Variants in KHDRBS1 observed in about 807,000 individuals in gnomAD.
KHDRBS1 encodes KH RNA binding domain containing, signal transduction associated 1, also known as KH domain-containing, RNA-binding, signal transduction-associated protein 1.
KHDRBS1 carries 7 observed loss-of-function variants against 48.4 expected under a neutral mutation model. The ratio of observed to expected loss-of-function variants is 0.14; its 90% CI spans 0.08 to 0.27. KHDRBS1 has a LOEUF of 0.27. KHDRBS1 is among the 10% of genes least tolerant of loss of function. KHDRBS1 has a pLI of 1.00. For missense variants in KHDRBS1, 458 were observed against 601.2 expected (o/e 0.76, Z 2.49); for synonymous variants, 241 against 235.8 (o/e 1.02, Z -0.20).
chr1:32,025,292 C>CTTTTTTT (rs576339772), intron 1 of KHDRBS1, among the ~76,000 whole-genome samples: 4 of 92,094 alleles, frequency 4.3e-5, no homozygotes, highest in African/African-American at 1.1e-4. Context: ...TCGGCTCCTC[C>CTTTTTTT]TTTTTTTTTT....
intron 1 of KHDRBS1, among the ~76,000 whole-genome samples, chr1:32,017,428 T>C (rs2124354076): frequency 6.6e-6 from 1 of 152,146 alleles, no homozygotes; most frequent in South Asian, 2.1e-4. Context: ...ATTGTGTTAA[T>C]ATATTTATAT....
chr1:32,060,346 G>T (rs1375503269), exon 11 of KHDRBS1: 1 of 152,140 alleles, frequency 6.6e-6, no homozygotes, highest in Non-Finnish European at 1.5e-5. Context: ...GCCCAGAATG[G>T]AGTCCTCAGG....
At chr1:32,048,571 C>G (rs1292997981), downstream of KHDRBS1, among the ~76,000 whole-genome samples, 1 of 152,116 alleles carries the variant, frequency 6.6e-6, no homozygotes, top group African/African-American at 2.4e-5. Context: ...CAGTTTGCAG[C>G]CTGTGGTTAG....
In KHDRBS1 at chr1:32,033,261, T is replaced by C; in HGVS notation, c.698T>C (p.Val233Ala). Residue 233 changes from valine (V) to alanine (A), a missense_variant, in exon 4 of 9, where the codon GTC becomes GCC. Coordinates refer to ENST00000327300, the MANE Select transcript of KHDRBS1 (RefSeq NM_006559.3). ...ATGGATCTGCATGTCTTCATTGAAG[T>C]CTTTGGACCCCCATGTGAGGCTTAT... ...LNMDLHVFIE[V>A]FGPPCEAYAL... is the part of the protein sequence containing the mutation. The C allele has an allele frequency of 6.2e-7, 1 of 1,614,192 alleles. No homozygotes were observed. Among genetic ancestry groups the C allele is most frequent in the South Asian group, 1.1e-5 (1 of 91,088 alleles).
intron 1 of KHDRBS1, among the ~76,000 whole-genome samples, chr1:32,015,837 GGAA>G: frequency 6.6e-6 from 1 of 152,286 alleles, no homozygotes; most frequent in Admixed American, 6.5e-5. Context: ...CCCATTGTGC[GGAA>G]GTGAGACTTT....
chr1:32,033,124 T>G (rs958548377), intron 3 of KHDRBS1, 64 bp from the exon 4 acceptor site: 4 of 1,327,780 alleles, frequency 3.0e-6, no homozygotes, highest in South Asian at 1.2e-5. Flanking sequence ...TCCTTTGGCT[T>G]AGAGGTAAAG....
intron 1 of KHDRBS1, among the ~76,000 whole-genome samples, chr1:32,021,132 AT>A: frequency 6.6e-6 from 1 of 151,992 alleles, no homozygotes; most frequent in African/African-American, 2.4e-5. Flanking sequence ...AAAAAAAAAA[AT>A]TTTCAAAGTT....
intron 6 of KHDRBS1, chr1:32,038,252 T>C: frequency 1.4e-6 from 1 of 719,848 alleles, no homozygotes. Flanking sequence ...AGAAATAAAA[T>C]GTACTTTAAT....
At chr1:32,052,244 T>C (rs1057367733) in intron 10 of KHDRBS1, 1 of 152,208 alleles carries the variant, frequency 6.6e-6, no homozygotes, top group African/African-American at 2.4e-5. Flanking sequence ...TTCTCTGTGC[T>C]AAAAGCTTGC....
intron 3 of KHDRBS1, 96 bp downstream of exon 3, chr1:32,031,736 A>T: frequency 1.4e-6 from 1 of 699,228 alleles, no homozygotes; most frequent in South Asian, 2.0e-5. Flanking sequence ...AGAATTTTGT[A>T]TGTGTACAGA....
In KHDRBS1 at chr1:32,043,792, G is replaced by GT. The variant is rs1300651792; in HGVS notation, c.*1169dup. ...TCTCGGAAGATTAAATGCTACATGTGTAAGTCTGCCTAAATAGGTAGCTTA... is the reference window on the plus strand; with the variant it reads ...TCTCGGAAGATTAAATGCTACATGTGTTAAGTCTGCCTAAATAGGTAGCTTA... On this transcript the variant is annotated 3_prime_UTR_variant, in exon 9 of 9. Coordinates refer to ENST00000327300, the MANE Select transcript of KHDRBS1 (RefSeq NM_006559.3). The GT allele has an allele frequency of 6.6e-6, 1 of 152,640 alleles. No homozygotes were observed. Among genetic ancestry groups the GT allele is most frequent in the African/African-American group, 2.4e-5 (1 of 41,450 alleles). 9.5% of individuals were successfully genotyped at this position (152,640 alleles called of 1,614,324 possible). A position where few individuals can be genotyped will look rare whatever the true frequency, so the allele number is the denominator to read the frequency against.
intron 1 of KHDRBS1, among the ~76,000 whole-genome samples, chr1:32,025,292 CTTTTTTTTTTTTT>C (rs576339772): frequency 7.4e-4 from 68 of 92,088 alleles, no homozygotes; most frequent in Non-Finnish European, 1.1e-3. Context: ...TCGGCTCCTC[CTTTTTTTTTTTTT>C]TTTTTTTTTT....
chr1:32,014,490 C>A (rs1369222438), intron 1 of KHDRBS1, 113 bp downstream of exon 1: 2 of 1,070,922 alleles, frequency 1.9e-6, no homozygotes, highest in Non-Finnish European at 2.4e-6. Flanking sequence ...TCGGGAGTTC[C>A]GGTCTCATCC....
At chr1:32,051,215 A>G (rs1639415386) in intron 10 of KHDRBS1, among the ~76,000 whole-genome samples, 1 of 152,192 alleles carries the variant, frequency 6.6e-6, no homozygotes, top group South Asian at 2.1e-4. Flanking sequence ...ATTCTTTTAC[A>G]TGTGGATATC....
At position 32,015,459 on chromosome 1, in the gene KHDRBS1, T is replaced by C. The variant is rs573046591; in HGVS notation, c.382+1082T>C. ...GGTTAATATAATGGACAGTTCATTA[T>C]GAAAATATTATCTCCCTCCCTTTGT... On this transcript the variant is annotated intron_variant, in intron 1 of 8. Transcript: ENST00000327300. Among the ~76,000 whole-genome samples the C allele has an allele frequency of 2.0e-5, 3 of 152,358 alleles. No individual in the cohort carries two copies. In the South Asian group the frequency reaches 6.2e-4, roughly 32 times the overall value.
intron 1 of KHDRBS1, among the ~76,000 whole-genome samples, chr1:32,023,047 A>G (rs186148013): frequency 6.6e-6 from 1 of 151,764 alleles, no homozygotes; most frequent in African/African-American, 2.4e-5. Flanking sequence ...TTTTTTTCTT[A>G]CTATTTTTCT....
chr1:32,025,157 T>TG (rs1397359633), intron 1 of KHDRBS1, among the ~76,000 whole-genome samples: 1 of 150,778 alleles, frequency 6.6e-6, no homozygotes, highest in East Asian at 2.0e-4. Flanking sequence ...TTGCACCTAC[T>TG]GGGGGTGCTG....
At chr1:32,025,506 G>A (rs919515533) in intron 1 of KHDRBS1, among the ~76,000 whole-genome samples, 4 of 150,888 alleles carry the variant, frequency 2.7e-5, no homozygotes, top group African/African-American at 9.7e-5. Context: ...TCACTGTATT[G>A]GTCAGGCTGG....
chr1:32,029,804 ACG>A (rs1639047875), intron 1 of KHDRBS1, among the ~76,000 whole-genome samples: 1 of 152,268 alleles, frequency 6.6e-6, no homozygotes, highest in African/African-American at 2.4e-5. Context: ...CTTAGGTCAC[ACG>A]ACTAGTGAGT....
Sources: gnomAD v4.1 joint callset for allele counts (sites outside exome capture counted in the v4.1 genomes callset) on GRCh38, gnomAD v4.1.1 for gene constraint, MANE v1.5 for transcripts, NCBI Gene and HGNC (gene_info 2026-07-23, HGNC 2026-07-21) for gene names.